ANXA11: variants seen among roughly 807,000 people sequenced by gnomAD.
ANXA11 encodes the protein annexin A11, also known as 56 kDa autoantigen.
ANXA11 carries 57 observed loss-of-function variants against 64.7 expected under a neutral mutation model. The observed-to-expected ratio is 0.88, with a 90% CI of 0.71 to 1.10. The LOEUF (loss-of-function observed/expected upper bound fraction) is 1.10. ANXA11 is among the 50% of genes least tolerant of loss of function. The pLI is 0.00. For synonymous variants in ANXA11, 260 were observed against 265.2 expected (o/e 0.98, Z 0.19); for missense variants, 675 against 670.7 (o/e 1.01, Z -0.07).
chr10:80,155,901 TG>T lies in ANXA11; in HGVS notation c.1469del (p.Ser490Ter). 1 of 1,614,176 alleles carries T rather than the reference TG, an allele frequency of 6.2e-7. No individual in the cohort carries two copies. On this transcript the variant is annotated frameshift_variant, in exon 16 of 16. Coordinates refer to ENST00000422982, the MANE Select transcript of ANXA11 (RefSeq NM_145868.2). LOFTEE classifies it high-confidence loss of function. ...SLYHDISGDT[S>X]GDYRKILLKI... ...TCAGCAGAATCTTCCGGTAATCCCC[TG>T]AAGTATCTCCCTGGCCACAGAAACA...
At chr10:80,157,036 C>T in intron 15 of ANXA11, 1 of 985,408 alleles carries the variant, frequency 1.0e-6, no homozygotes, top group African/African-American at 1.7e-5. Flanking sequence ...ACAACTGTGG[C>T]TAGTGTTTAA....
chr10:80,166,940 T>C lies in ANXA11; in HGVS notation c.694A>G (p.Asn232Asp). Residue 232 changes from asparagine to aspartate, a missense_variant, in exon 7 of 16, where the codon AAC (asparagine) becomes GAC (aspartate). By Grantham distance (23) the Asn-to-Asp change is conservative. Coordinates refer to ENST00000422982, the MANE Select transcript of ANXA11 (RefSeq NM_145868.2). ...AIIDCLGSRS[N>D]KQRQQILLSF... ...AGTAGGATCTGCTGCCGCTGCTTGTTGGAGCGACTCCCCAGGCAGTCAATG... is the reference window on the plus strand; with the variant it reads ...AGTAGGATCTGCTGCCGCTGCTTGTCGGAGCGACTCCCCAGGCAGTCAATG... The C allele has an allele frequency of 6.2e-7, 1 of 1,609,654 alleles. No individual in the cohort carries two copies. Among genetic ancestry groups the C allele is most frequent in the Non-Finnish European group, 8.5e-7 (1 of 1,178,468 alleles).
chr10:80,185,849 C>T (rs535379011), intron 1 of ANXA11, among the ~76,000 whole-genome samples: 142 of 152,340 alleles, frequency 9.3e-4, no homozygotes, highest in African/African-American at 3.3e-3. Context: ...CCACTGGCCC[C>T]AGGGACTAGT....
chr10:80,191,090 T>G (rs2132481195), intron 1 of ANXA11, among the ~76,000 whole-genome samples: 1 of 152,064 alleles, frequency 6.6e-6, no homozygotes, highest in African/African-American at 2.4e-5. Context: ...CTGGGTGTGG[T>G]GGCATGCACC....
At chr10:80,159,075 T>C (rs1260230577) in intron 13 of ANXA11, 25 bp downstream of exon 13, 2 of 1,587,946 alleles carry the variant, frequency 1.3e-6, no homozygotes, top group Admixed American at 3.3e-5. Context: ...CCCTGGCAGG[T>C]GGGCGGCAAA....
chr10:80,202,833 G>A (rs1025169190), intron 1 of ANXA11, among the ~76,000 whole-genome samples: 6 of 151,976 alleles, frequency 3.9e-5, no homozygotes, highest in African/African-American at 1.2e-4. Flanking sequence ...ATCACCTGAG[G>A]TCAGGAGTTC....
At chr10:80,183,519 A>G (rs1846429022) in intron 1 of ANXA11, among the ~76,000 whole-genome samples, 1 of 152,240 alleles carries the variant, frequency 6.6e-6, no homozygotes, top group Admixed American at 6.5e-5. Flanking sequence ...TGCAGCTAAA[A>G]TACACCAGGG....
rs764886073 is a variant in ANXA11 at position 80,170,847 on chromosome 10, C to T, written c.124G>A (p.Val42Met). 7.0e-5 allele frequency: 106 copies of T among 1,523,808 alleles called. No homozygotes were observed. Among genetic ancestry groups the T allele is most frequent in the Admixed American group, 1.1e-4 (5 of 44,134 alleles). 94.4% of individuals were successfully genotyped at this position (1,523,808 alleles called of 1,614,324 possible). The change falls in exon 4 of 16, where the codon GTG becomes ATG. Residue 42 changes from valine (V) to methionine (M), a missense_variant. Val to Met is a conservative substitution (Grantham distance 21, BLOSUM62 1). Transcript: ENST00000422982. The part of the protein sequence containing the change: ...PSMPPIGLDN[V>M]ATYAGQFNQD... ...TTGAACTGCCCCGCATAGGTGGCCA[C>T]GTTATCCAGCCCGATGGGGGGCATG...
intron 15 of ANXA11, 30 bp downstream of exon 15, chr10:80,157,611 G>A (rs1845324183): frequency 6.2e-7 from 1 of 1,601,812 alleles, no homozygotes; most frequent in African/African-American, 1.3e-5. Context: ...TGCCAAAAGG[G>A]AGCCCAGTTG....
chr10:80,163,966 A>G, intron 9 of ANXA11, 87 bp downstream of exon 9: 8 of 1,141,650 alleles, frequency 7.0e-6, no homozygotes, highest in Non-Finnish European at 8.9e-6. Flanking sequence ...AAGGAGTAAA[A>G]GGCCCTAGGA....
At position 80,200,999 on chromosome 10, in the gene ANXA11, T is replaced by C. The variant is rs925643264; in HGVS notation, c.-58+4344A>G. Reference sequence around the variant, plus strand: ...GCCATCCACATGTTCCCTTCTGGGATTGGAAAGGGAGCAGGAGGGTAAATC... The same window carrying C: ...GCCATCCACATGTTCCCTTCTGGGACTGGAAAGGGAGCAGGAGGGTAAATC... On this transcript the variant is annotated intron_variant, in intron 1 of 15. Transcript: ENST00000422982. Among the ~76,000 whole-genome samples, 15 of 152,210 alleles carry C rather than the reference T, an allele frequency of 9.9e-5. No individual in the cohort carries two copies. In the East Asian group the frequency reaches 2.3e-3, roughly 24 times the overall value.
intron 1 of ANXA11, among the ~76,000 whole-genome samples, chr10:80,198,000 TG>T (rs1204409302): frequency 6.6e-6 from 1 of 151,872 alleles, no homozygotes; most frequent in Non-Finnish European, 1.5e-5. Context: ...GAAGATCTGG[TG>T]GTGGCTGCAG....
intron 7 of ANXA11, chr10:80,166,481 T>TAA (rs1845746624): frequency 2.3e-6 from 1 of 443,110 alleles, no homozygotes; most frequent in Non-Finnish European, 4.1e-6. Context: ...TTTATCTTTC[T>TAA]AAGATTCAAA....
chr10:80,173,221 C>T (rs991347764), intron 2 of ANXA11, among the ~76,000 whole-genome samples: 1 of 152,246 alleles, frequency 6.6e-6, no homozygotes, highest in African/African-American at 2.4e-5. Context: ...CCTGTTCTCC[C>T]ACCTCAGAGG....
At chr10:80,159,055 A>T in intron 13 of ANXA11, 45 bp downstream of exon 13, 1 of 1,443,920 alleles carries the variant, frequency 6.9e-7, no homozygotes, top group Non-Finnish European at 9.7e-7. Context: ...CACTCACGAT[A>T]CACGTTAGCC....
Position 80,192,650 on chromosome 10 carries a change from A to C in ANXA11, c.-58+12693T>G, listed in dbSNP as rs183883193. Among the ~76,000 whole-genome samples the C allele has an allele frequency of 3.5e-3, 528 of 152,354 alleles. 6 individuals are homozygous for C. Among genetic ancestry groups the C allele is most frequent in the Middle Eastern group, 0.014 (4 of 294 alleles). Reference sequence around the variant, plus strand: ...ATACTAAAACTTTAGAAAAGAAAGAACAAGGGTCCTTTTCAGGGGAACTGG... The same window carrying C: ...ATACTAAAACTTTAGAAAAGAAAGACCAAGGGTCCTTTTCAGGGGAACTGG... On this transcript the variant is annotated intron_variant, in intron 1 of 15. Transcript: ENST00000422982.
At chr10:80,203,044 CAA>C (rs11444706) in intron 1 of ANXA11, among the ~76,000 whole-genome samples, 6,308 of 85,144 alleles carry the variant, frequency 0.074, 151 homozygotes, top group Non-Finnish European at 0.11. Flanking sequence ...AAATCTGTCT[CAA>C]AAAAAAAAAA....
At chr10:80,188,511 A>ATATATATATATATATATAT (rs1554834982) in intron 1 of ANXA11, among the ~76,000 whole-genome samples, 5 of 126,498 alleles carry the variant, frequency 4.0e-5, no homozygotes, top group Admixed American at 7.6e-5. Flanking sequence ...ATATATATAT[A>ATATATATATATATATATAT]GCACTACAAC....
intron 2 of ANXA11, among the ~76,000 whole-genome samples, chr10:80,173,645 G>A (rs1406205754): frequency 6.6e-6 from 1 of 152,212 alleles, no homozygotes; most frequent in East Asian, 1.9e-4. Context: ...ATTGTGAGGA[G>A]GGACACAGAT....
Sources: allele counts gnomAD v4.1 joint callset (sites outside exome capture counted in the v4.1 genomes callset), GRCh38; gene constraint gnomAD v4.1.1; transcripts MANE v1.5; gene names NCBI Gene and HGNC (gene_info 2026-07-23, HGNC 2026-07-21).